The following TRPC5 variants were observed in gnomAD, a reference collection of about 807,000 sequenced individuals.
TRPC5 encodes the protein short transient receptor potential channel 5.
In TRPC5, 9 loss-of-function variants were observed where a neutral mutation model predicts 56.5. That is an observed-to-expected ratio of 0.16 (90% confidence interval 0.10 to 0.28). The LOEUF (loss-of-function observed/expected upper bound fraction) is 0.28. Among genes scored for constraint, TRPC5 ranks in the 10% least tolerant of loss-of-function variants. The pLI is 1.00. For synonymous variants in TRPC5, 282 were observed against 278.5 expected, an observed-to-expected ratio of 1.01 and a Z score of -0.13; for missense variants, 469 against 748.9, an observed-to-expected ratio of 0.63 and a Z score of 4.36.
At chrX:111,800,192 C>G (rs999080931) in intron 7 of TRPC5, among the ~76,000 whole-genome samples, 44 of 111,159 alleles carry the variant, frequency 4.0e-4, no homozygotes, top group African/African-American at 1.4e-3. Flanking sequence ...GCAAGATCAG[C>G]CACTCCTCTT....
At chrX:111,863,381 T>G (rs768852861) in intron 3 of TRPC5, among the ~76,000 whole-genome samples, 1 of 111,952 alleles carries the variant, frequency 8.9e-6, no homozygotes, top group Non-Finnish European at 1.9e-5. Flanking sequence ...TCTGGTCTGT[T>G]GGGGCCTAGT....
At chrX:112,061,496 G>T (rs908706720) in intron 1 of TRPC5, among the ~76,000 whole-genome samples, 1 of 111,874 alleles carries the variant, frequency 8.9e-6, no homozygotes, top group Middle Eastern at 4.6e-3. Flanking sequence ...TGAGGGTGGG[G>T]CCTGAAACAG....
chrX:111,884,756 T>C (rs937979372), intron 3 of TRPC5, among the ~76,000 whole-genome samples: 2 of 113,102 alleles, frequency 1.8e-5, no homozygotes, highest in African/African-American at 6.4e-5. Flanking sequence ...AGTCCAGTTA[T>C]AGCCTATCCA....
intron 6 of TRPC5, among the ~76,000 whole-genome samples, chrX:111,845,394 T>C (rs1267346195): frequency 8.0e-5 from 9 of 111,951 alleles, no homozygotes; most frequent in Non-Finnish European, 1.7e-4. Context: ...ACAATGCTTC[T>C]TCACACCCCA....
At chrX:112,064,150 G>A (rs1930524747) in intron 1 of TRPC5, among the ~76,000 whole-genome samples, 1 of 111,750 alleles carries the variant, frequency 8.9e-6, no homozygotes, top group Non-Finnish European at 1.9e-5. Context: ...GGAAACTAGA[G>A]CCCAGAGATC....
chrX:112,005,071 G>A (rs996014976), intron 1 of TRPC5, among the ~76,000 whole-genome samples: 1 of 111,206 alleles, frequency 9.0e-6, no homozygotes, highest in Non-Finnish European at 1.9e-5. Context: ...GAACATCTGC[G>A]TGCATGTGTC....
At chrX:111,838,592 G>C (rs1922635981) in intron 6 of TRPC5, among the ~76,000 whole-genome samples, 1 of 111,921 alleles carries the variant, frequency 8.9e-6, no homozygotes, top group South Asian at 3.7e-4. Flanking sequence ...TTAGAAAAAA[G>C]CAACTAGTCC....
intron 7 of TRPC5, among the ~76,000 whole-genome samples, chrX:111,783,565 A>G (rs1945937289): frequency 9.0e-6 from 1 of 110,683 alleles, no homozygotes. Context: ...CCATCTATAT[A>G]TCTTCTGTGA....
chrX:111,916,110 C>A lies in TRPC5; in HGVS notation c.379-3298G>T, dbSNP rs765981568. Among the ~76,000 whole-genome samples the A allele has an allele frequency of 3.1e-4, 34 of 111,406 alleles. 1 individual carries two copies. The highest frequency in any genetic ancestry group is 4.5e-4 in the Non-Finnish European group (24 of 53,090). The stretch of plus-strand genomic sequence containing the variant: ...ACTGCACTCCATCCAGCCTGGGCAA[C>A]AGAGTGATACCCTGTCTCCAATAAA... On this transcript the variant is annotated intron_variant, in intron 2 of 10. Transcript: ENST00000262839.
chrX:111,814,797 G>T (rs1363168420), intron 7 of TRPC5, among the ~76,000 whole-genome samples: 1 of 110,524 alleles, frequency 9.0e-6, no homozygotes, highest in East Asian at 2.9e-4. Context: ...AGGACTTGGC[G>T]TGTGTTACTT....
chrX:112,000,525 G>A lies in TRPC5; in HGVS notation c.-21-48084C>T, dbSNP rs778828957. 1.2e-4 allele frequency among the ~76,000 whole-genome samples: 13 copies of A among 111,617 alleles called. No individual in the cohort carries two copies. In the East Asian group the frequency reaches 1.7e-3, roughly 15 times the overall value. ...TGGAGTCAAACAGATGTGTGTTTGC[G>A]TCCCACTGCTACCACATTTGAGCTA... On this transcript the variant is annotated intron_variant, in intron 1 of 10. Transcript: ENST00000262839.
chrX:112,062,988 G>T (rs191302739), intron 1 of TRPC5, among the ~76,000 whole-genome samples: 3 of 111,764 alleles, frequency 2.7e-5, no homozygotes, highest in Non-Finnish European at 3.8e-5. Context: ...AAAGAAGAGT[G>T]CTTAGTGACT....
chrX:112,065,535 C>G (rs762640075), intron 1 of TRPC5, among the ~76,000 whole-genome samples: 58 of 111,947 alleles, frequency 5.2e-4, no homozygotes, highest in Non-Finnish European at 9.0e-4. Flanking sequence ...CCATCTTTCC[C>G]TTGAGTATTA....
chrX:112,005,483 T>A (rs57097847), intron 1 of TRPC5, among the ~76,000 whole-genome samples: 15,828 of 99,110 alleles, frequency 0.16, 2,823 homozygotes, highest in African/African-American at 0.52. Flanking sequence ...AAAAAAAAAA[T>A]ATCTTACCAA....
In TRPC5 at chrX:111,770,124, A is replaced by G. The variant is rs1296986617; in HGVS notation, c.*6189T>C. Among the ~76,000 whole-genome samples, 1 of 112,137 alleles carries G rather than the reference A, an allele frequency of 8.9e-6. No individual in the cohort carries two copies. The highest frequency in any genetic ancestry group is 1.9e-5 in the Non-Finnish European group (1 of 53,186). ...CCTATTTTATGTTTATTCCAAATTT[A>G]TGAGGCTAAAAGATGACAGCAGATA... On this transcript the variant is annotated 3_prime_UTR_variant, in exon 11 of 11. Transcript: ENST00000262839.
At chrX:111,901,860 T>C (rs1453012758) in intron 3 of TRPC5, 7 of 1,135,458 alleles carry the variant, frequency 6.2e-6, no homozygotes, top group Admixed American at 2.7e-5. Flanking sequence ...ATGGATTCTG[T>C]GTTAATTCAT....
At chrX:112,050,751 A>G (rs1208010163) in intron 1 of TRPC5, among the ~76,000 whole-genome samples, 3 of 111,948 alleles carry the variant, frequency 2.7e-5, no homozygotes, top group Non-Finnish European at 5.6e-5. Flanking sequence ...AAGAGTGGAA[A>G]AAACATTATT....
At position 111,847,130 on chromosome X, in the gene TRPC5, T is replaced by A; in HGVS notation, c.1684A>T (p.Asn562Tyr). 8.3e-7 allele frequency: 1 copy of A among 1,210,881 alleles called. No individual in the cohort carries two copies. Among genetic ancestry groups the A allele is most frequent in the Non-Finnish European group, 1.1e-6 (1 of 894,763 alleles). The change falls in exon 6 of 11, where the codon AAC becomes TAC. Residue 562 changes from asparagine to tyrosine, a missense_variant. This residue lies in a region of TRPC5 where 157 missense variants were observed against 360.0 expected (regional missense o/e 0.44). Coordinates refer to ENST00000262839, the MANE Select transcript of TRPC5 (RefSeq NM_012471.3). ...NCKGIRCEKQ[N>Y]NAFSTLFETL... ...TCGTCTTACGTGGAGAAGGCATTGT[T>A]CTGTTTCTCACATCGGATCCCCTTG... is the stretch of plus-strand genomic sequence containing the variant.
intron 3 of TRPC5, among the ~76,000 whole-genome samples, chrX:111,872,767 A>G (rs1371890043): frequency 2.7e-5 from 3 of 112,286 alleles, no homozygotes; most frequent in South Asian, 3.8e-4. Context: ...AATGCTCAAC[A>G]TCACTAATCA....
Sources: gnomAD v4.1 joint callset for allele counts (sites outside exome capture counted in the v4.1 genomes callset) on GRCh38, gnomAD v4.1.1 for gene constraint, gnomAD v4.1.1 regional missense constraint, MANE v1.5 for transcripts, NCBI Gene and HGNC (gene_info 2026-07-23, HGNC 2026-07-21) for gene names.